The following LIMK2 variants were observed in gnomAD, a reference collection of about 807,000 sequenced individuals.
LIMK2 encodes the protein LIM domain kinase 2.
In LIMK2, 35 loss-of-function variants were observed where a neutral mutation model predicts 75.7. The observed-to-expected ratio is 0.46, with a 90% CI of 0.35 to 0.61. LIMK2 has a LOEUF of 0.61. Among genes scored for constraint, LIMK2 ranks in the 20% least tolerant of loss-of-function variants. LIMK2 has a pLI of 0.00. For synonymous variants in LIMK2, 301 were observed against 319.2 expected (o/e 0.94, Z 0.61); for missense variants, 623 against 831.0 (o/e 0.75, Z 3.08).
intron 13 of LIMK2, chr22:31,272,952 C>G (rs781321910): frequency 7.9e-7 from 1 of 1,258,464 alleles, no homozygotes; most frequent in Non-Finnish European, 1.0e-6. Flanking sequence ...CCTCAGGGAT[C>G]GCTAAGAGCT....
intron 1 of LIMK2, among the ~76,000 whole-genome samples, chr22:31,223,873 T>G (rs960460348): frequency 6.6e-6 from 1 of 152,152 alleles, no homozygotes; most frequent in Non-Finnish European, 1.5e-5. Context: ...TGAGGTGGTG[T>G]TTTAAGGCCT....
intron 14 of LIMK2, 127 bp downstream of exon 14, chr22:31,273,634 T>C: frequency 2.7e-6 from 2 of 745,184 alleles, no homozygotes; most frequent in Non-Finnish European, 4.7e-6. Context: ...TAGGGTTTTA[T>C]GGTTTATAAC....
chr22:31,217,633 G>A (rs2048399483), intron 1 of LIMK2, among the ~76,000 whole-genome samples: 1 of 152,200 alleles, frequency 6.6e-6, no homozygotes, highest in Admixed American at 6.5e-5. Flanking sequence ...AACTGGCAGA[G>A]AACTGCTGTA....
At chr22:31,242,956 T>G (rs2048635624) in intron 2 of LIMK2, among the ~76,000 whole-genome samples, 1 of 152,214 alleles carries the variant, frequency 6.6e-6, no homozygotes, top group African/African-American at 2.4e-5. Flanking sequence ...GGAGTCTGGC[T>G]CTGTCACCTA....
chr22:31,222,656 T>C (rs551499436), intron 1 of LIMK2: 78 of 152,194 alleles, frequency 5.1e-4, no homozygotes, highest in African/African-American at 1.9e-3. Context: ...TTCATACATG[T>C]GGCTGTGAAG....
chr22:31,244,347 C>G (rs1338399410), intron 2 of LIMK2, among the ~76,000 whole-genome samples: 1 of 152,180 alleles, frequency 6.6e-6, no homozygotes, highest in Non-Finnish European at 1.5e-5. Flanking sequence ...TAGTCCCAGA[C>G]TTAATTTGGG....
intron 2 of LIMK2, among the ~76,000 whole-genome samples, chr22:31,231,742 G>A (rs951406446): frequency 2.6e-5 from 4 of 152,190 alleles, no homozygotes; most frequent in Admixed American, 6.5e-5. Context: ...GCCAGAGATA[G>A]ATAACTGATA....
chr22:31,227,405 A>AT lies in LIMK2; in HGVS notation c.116+1587dup, dbSNP rs1244094872. Among the ~76,000 whole-genome samples the AT allele has an allele frequency of 1.3e-4, 20 of 152,346 alleles. No homozygotes were observed. The East Asian group carries it at 3.7e-3, about 28-fold the overall frequency. On this transcript the variant is annotated intron_variant, in intron 2 of 15. Coordinates refer to ENST00000331728, the MANE Select transcript of LIMK2 (RefSeq NM_005569.4). ...AACACTTGCCTCTTCCCTGGGAACCATATAGGGGATTGGCCTGGAGACGTC... is the reference window on the plus strand; with the variant it reads ...AACACTTGCCTCTTCCCTGGGAACCATTATAGGGGATTGGCCTGGAGACGTC...
intron 2 of LIMK2, among the ~76,000 whole-genome samples, chr22:31,230,447 G>A (rs1034864519): frequency 2.8e-4 from 42 of 152,128 alleles, no homozygotes; most frequent in African/African-American, 1.0e-3. Flanking sequence ...AAAGGTGTTT[G>A]GCTTAGGAGG....
rs143746231 is a variant in LIMK2, at chr22:31,272,892, T to A, written c.1558+188T>A. ...CTGAGCTCAGGGGGCTGGGAACTGATCAGTGTCCCATCATGGGGGATAAGG... is the reference window on the plus strand; with the variant it reads ...CTGAGCTCAGGGGGCTGGGAACTGAACAGTGTCCCATCATGGGGGATAAGG... On this transcript the variant is annotated intron_variant, in intron 13 of 15. Coordinates refer to ENST00000331728, the MANE Select transcript of LIMK2 (RefSeq NM_005569.4). The A allele has an allele frequency of 4.4e-6, 6 of 1,378,546 alleles. No homozygotes were observed. In the African/African-American group the frequency reaches 7.3e-5, roughly 17 times the overall value. The allele number at this position is 1,378,546 out of a possible 1,614,324, so 85.4% of individuals were successfully genotyped here. A position where few individuals can be genotyped will look rare whatever the true frequency, so the allele number is the denominator to read the frequency against.
rs574806431 is a variant in LIMK2 at position 31,261,545 on chromosome 22, C to CAAAAAAAAAAAAAA, written c.552-577_552-576insAAAAAAAAAAAAAA. ...TGAGCGACAGAGCGAGACTCCATCT[C>CAAAAAAAAAAAAAA]AAAAAAAAAAAAGAGTTTGGGATTA... On this transcript the variant is annotated intron_variant, in intron 5 of 15. Coordinates refer to ENST00000331728, the MANE Select transcript of LIMK2 (RefSeq NM_005569.4). 2.1e-4 allele frequency among the ~76,000 whole-genome samples: 27 copies of CAAAAAAAAAAAAAA among 126,382 alleles called. 1 individual carries two copies. In the East Asian group the frequency reaches 3.5e-3, roughly 16 times the overall value. 82.9% of individuals were successfully genotyped at this position (126,382 alleles called of 152,430 possible).
chr22:31,223,762 C>T (rs189122302), intron 1 of LIMK2, among the ~76,000 whole-genome samples: 137 of 152,200 alleles, frequency 9.0e-4, no homozygotes, highest in Middle Eastern at 3.4e-3. Flanking sequence ...CAAAAAGGCC[C>T]CTCTTGACAA....
chr22:31,226,763 C>T (rs1197758219), intron 2 of LIMK2, among the ~76,000 whole-genome samples: 1 of 152,220 alleles, frequency 6.6e-6, no homozygotes, highest in Non-Finnish European at 1.5e-5. Context: ...GCACCTGCCA[C>T]CACGCCCAGC....
At chr22:31,268,867 G>T (rs114048728) in intron 11 of LIMK2, among the ~76,000 whole-genome samples, 1 of 152,172 alleles carries the variant, frequency 6.6e-6, no homozygotes, top group South Asian at 2.1e-4. Context: ...CAGTCTGGTC[G>T]CCAAGCCTGA....
rs757369218 is a variant in LIMK2 at position 31,266,046 on chromosome 22, A to G, written c.955A>G (p.Ser319Gly). 9 of 1,614,144 alleles carry G rather than the reference A, an allele frequency of 5.6e-6. No homozygotes were observed. In the Admixed American group the frequency reaches 1.0e-4, roughly 18 times the overall value. ...CCGCTCAGAATCCCTTCGTTGTTCCAGCAGCTATTCACAGCAGATCTTCCG... is the reference window on the plus strand; with the variant it reads ...CCGCTCAGAATCCCTTCGTTGTTCCGGCAGCTATTCACAGCAGATCTTCCG... ...ISRSESLRCS[S>G]SYSQQIFRPC... Residue 319 changes from serine (S) to glycine (G), a missense_variant, in exon 8 of 16, where the codon AGC becomes GGC. Transcript: ENST00000331728.
At position 31,277,091 on chromosome 22, in the gene LIMK2, T is replaced by C. The variant is rs764923841; in HGVS notation, c.1773-1206T>C. On this transcript the variant is annotated intron_variant, in intron 15 of 15. Transcript: ENST00000331728. The stretch of plus-strand genomic sequence containing the variant: ...ACAGAGGCCTTCATCTCTGGCCTGC[T>C]GGACAAGATCCGGGCCATGCAGAAG... 3.1e-6 allele frequency: 5 copies of C among 1,613,820 alleles called. No individual in the cohort carries two copies. The African/African-American group carries it at 6.7e-5, about 22-fold the overall frequency.
chr22:31,276,468 C>G (rs1402192990), intron 15 of LIMK2, among the ~76,000 whole-genome samples: 7 of 144,986 alleles, frequency 4.8e-5, no homozygotes, highest in Non-Finnish European at 1.1e-4. Flanking sequence ...GCGGCAGCCC[C>G]GGCGGCGGCC....
At chr22:31,241,582 T>G (rs774226012) in intron 2 of LIMK2, among the ~76,000 whole-genome samples, 5 of 152,104 alleles carry the variant, frequency 3.3e-5, no homozygotes, top group African/African-American at 7.2e-5. Context: ...CTTCAATGTG[T>G]CTCCAAGCAC....
In LIMK2 at chr22:31,266,027, A is replaced by C; in HGVS notation, c.936A>C (p.Ser312=). The part of the protein sequence containing the change: ...PLLFSRDISR[S]ESLRCSSSYS... Reference sequence around the variant, plus strand: ...TGTTCAGCCGTGACATCAGCCGCTCAGAATCCCTTCGTTGTTCCAGCAGCT... The same window carrying C: ...TGTTCAGCCGTGACATCAGCCGCTCCGAATCCCTTCGTTGTTCCAGCAGCT... The change falls in exon 8 of 16, where the codon TCA becomes TCC. Residue 312 remains serine, a synonymous_variant. Coordinates refer to ENST00000331728, the MANE Select transcript of LIMK2 (RefSeq NM_005569.4). 1 of 1,614,180 alleles carries C rather than the reference A, an allele frequency of 6.2e-7. No homozygotes were observed. The highest frequency in any genetic ancestry group is 2.2e-5 in the East Asian group (1 of 44,876).
Sources: allele counts gnomAD v4.1 joint callset (sites outside exome capture counted in the v4.1 genomes callset), GRCh38; gene constraint gnomAD v4.1.1; transcripts MANE v1.5; gene names NCBI Gene and HGNC (gene_info 2026-07-23, HGNC 2026-07-21).